The following ANAPC10 variants were observed in gnomAD, a reference collection of about 807,000 sequenced individuals.
The protein encoded by ANAPC10 is anaphase promoting complex subunit 10, also known as anaphase-promoting complex subunit 10.
In ANAPC10, 12 loss-of-function variants were observed where a neutral mutation model predicts 22.0. That is an observed-to-expected ratio of 0.55 (90% CI 0.35 to 0.88). The LOEUF (loss-of-function observed/expected upper bound fraction) is 0.88. Ranked by LOEUF, ANAPC10 falls within the 40% of genes least tolerant of loss-of-function variation. ANAPC10 has a pLI of 0.01. For synonymous variants in ANAPC10, 65 were observed against 69.5 expected (o/e 0.94, Z 0.32); for missense variants, 188 against 220.9 (o/e 0.85, Z 0.94).
chr4:145,032,863 A>G (rs142144109), intron 4 of ANAPC10, among the ~76,000 whole-genome samples: 5 of 152,350 alleles, frequency 3.3e-5, no homozygotes, highest in East Asian at 1.9e-4. Flanking sequence ...TCACTGGAAT[A>G]GACACTTACC....
At chr4:145,015,041 C>T (rs186979654) in intron 4 of ANAPC10, among the ~76,000 whole-genome samples, 1 of 151,978 alleles carries the variant, frequency 6.6e-6, no homozygotes, top group African/African-American at 2.4e-5. Flanking sequence ...TTAACACCCC[C>T]CAAAAAATCA....
intron 3 of ANAPC10, among the ~76,000 whole-genome samples, chr4:145,079,598 C>G (rs998372934): frequency 6.6e-6 from 1 of 152,118 alleles, no homozygotes; most frequent in South Asian, 2.1e-4. Flanking sequence ...TGCAGCACTA[C>G]GCACAATAGC....
At position 145,064,625 on chromosome 4, in the gene ANAPC10, T is replaced by C; in HGVS notation, c.274A>G (p.Ser92Gly). ...TTTCCTACTCTGACTGAGATCTTGC[T>C]TGGAGTATAGCTTTCATCAGATTTG... Reference protein sequence around the residue: ...DYKSDESYTPSKISVRVGNNF... With the variant: ...DYKSDESYTPGKISVRVGNNF... Residue 92 changes from serine to glycine, a missense_variant, in exon 4 of 5, where the codon AGC becomes GGC. Coordinates refer to ENST00000507656, the MANE Select transcript of ANAPC10 (RefSeq NM_001256706.2). 2 of 1,608,596 alleles carry C rather than the reference T, an allele frequency of 1.2e-6. No homozygotes were observed. The highest frequency in any genetic ancestry group is 1.7e-4 in the Middle Eastern group (1 of 6,016).
At chr4:145,031,150 G>T (rs896969403) in intron 4 of ANAPC10, among the ~76,000 whole-genome samples, 3 of 152,182 alleles carry the variant, frequency 2.0e-5, no homozygotes, top group Admixed American at 6.5e-5. Context: ...CCTACCTCAC[G>T]GGTATATCAA....
intron 4 of ANAPC10, among the ~76,000 whole-genome samples, chr4:144,996,816 T>C (rs1731684591): frequency 6.6e-6 from 1 of 152,000 alleles, no homozygotes; most frequent in Admixed American, 6.6e-5. Context: ...TTCGAACCCA[T>C]CGCAAAGAAG....
chr4:145,098,125 C>A lies in ANAPC10; in HGVS notation c.-18G>T, dbSNP rs545543162. The A allele has an allele frequency of 1.0e-4, 16 of 152,646 alleles. No homozygotes were observed. The highest frequency in any genetic ancestry group is 3.8e-4 in the African/African-American group (16 of 41,594). 9.5% of individuals were successfully genotyped at this position (152,646 alleles called of 1,614,324 possible). ...AGAAAAGCCCACACACTCACAGTTT[C>A]CAGACCTGGCTGCTTGCCGAAACTC... is the stretch of plus-strand genomic sequence containing the variant. On this transcript the variant is annotated 5_prime_UTR_variant, in exon 1 of 5. Transcript: ENST00000507656.
At chr4:145,061,689 G>T (rs1742914243) in intron 4 of ANAPC10, among the ~76,000 whole-genome samples, 1 of 152,120 alleles carries the variant, frequency 6.6e-6, no homozygotes, top group Admixed American at 6.5e-5. Flanking sequence ...ACCAATATGA[G>T]TGATCCAATC....
chr4:145,085,551 G>T (rs1232811312), intron 2 of ANAPC10, among the ~76,000 whole-genome samples: 2 of 148,118 alleles, frequency 1.4e-5, no homozygotes, highest in Non-Finnish European at 3.0e-5. Context: ...TTCTTAAAAT[G>T]CAAAAAAAAA....
chr4:145,011,101 G>T (rs1734231043), intron 4 of ANAPC10, among the ~76,000 whole-genome samples: 1 of 151,934 alleles, frequency 6.6e-6, no homozygotes. Context: ...GGAGGCCGAG[G>T]CAAGTGGATC....
intron 4 of ANAPC10, among the ~76,000 whole-genome samples, chr4:145,026,833 A>C (rs536317728): frequency 6.8e-6 from 1 of 148,106 alleles, no homozygotes; most frequent in East Asian, 2.0e-4. Flanking sequence ...ATGAAACAAG[A>C]ACAGAATGTT....
chr4:145,026,144 C>G (rs966170497), intron 4 of ANAPC10, among the ~76,000 whole-genome samples: 1 of 152,134 alleles, frequency 6.6e-6, no homozygotes, highest in African/African-American at 2.4e-5. Context: ...CATCCCTTGC[C>G]ACGTGCCCCA....
intron 3 of ANAPC10, among the ~76,000 whole-genome samples, chr4:145,073,757 C>A (rs867857348): frequency 2.0e-5 from 3 of 152,124 alleles, no homozygotes; most frequent in Middle Eastern, 6.8e-3. Flanking sequence ...TTTTTCTCAG[C>A]ATTCTTGTGT....
chr4:145,092,028 A>G (rs887716842), intron 2 of ANAPC10, among the ~76,000 whole-genome samples: 2 of 152,102 alleles, frequency 1.3e-5, no homozygotes, highest in African/African-American at 4.8e-5. Flanking sequence ...CCCTTTCAGG[A>G]GCTGGAAGCC....
chr4:145,097,110 G>A, intron 1 of ANAPC10: 1 of 202,204 alleles, frequency 4.9e-6, no homozygotes, highest in Non-Finnish European at 1.0e-5. Flanking sequence ...GGCTGAGACA[G>A]GAGGATCACC....
At chr4:145,086,812 C>A (rs1579159491) in intron 2 of ANAPC10, among the ~76,000 whole-genome samples, 2 of 151,334 alleles carry the variant, frequency 1.3e-5, no homozygotes, top group East Asian at 3.9e-4. Flanking sequence ...AAAAATATCT[C>A]CAGACTTTGT....
intron 3 of ANAPC10, among the ~76,000 whole-genome samples, chr4:145,072,905 T>A (rs1448570213): frequency 6.6e-6 from 1 of 152,018 alleles, no homozygotes; most frequent in Non-Finnish European, 1.5e-5. Context: ...TCTGTTTTTT[T>A]TTTTTTTTAG....
chr4:144,998,313 T>G (rs1447583380), intron 4 of ANAPC10, among the ~76,000 whole-genome samples: 1 of 152,136 alleles, frequency 6.6e-6, no homozygotes, highest in Non-Finnish European at 1.5e-5. Flanking sequence ...TATTCCAAAA[T>G]TGACCATATA....
intron 4 of ANAPC10, among the ~76,000 whole-genome samples, chr4:145,007,751 A>T (rs1733623984): frequency 6.6e-6 from 1 of 152,258 alleles, no homozygotes; most frequent in East Asian, 1.9e-4. Flanking sequence ...ACACAATAAC[A>T]TCACAATTAA....
At chr4:145,059,675 T>C (rs144730648) in intron 4 of ANAPC10, among the ~76,000 whole-genome samples, 2 of 152,238 alleles carry the variant, frequency 1.3e-5, no homozygotes, top group African/African-American at 4.8e-5. Flanking sequence ...TAAAAAACAC[T>C]TTAGTTTCAT....
Sources: allele counts gnomAD v4.1 joint callset (sites outside exome capture counted in the v4.1 genomes callset), GRCh38; gene constraint gnomAD v4.1.1; transcripts MANE v1.5; gene names NCBI Gene and HGNC (gene_info 2026-07-23, HGNC 2026-07-21).